PSG7: variants seen among roughly 807,000 people sequenced by gnomAD.
The protein encoded by PSG7 is pregnancy specific beta-1-glycoprotein 7, also known as pregnancy-specific beta-1-glycoprotein 7.
A neutral mutation model predicts 45.6 loss-of-function variants in PSG7; 57 were observed. The ratio of observed to expected loss-of-function variants is 1.25; its 90% CI spans 1.01 to 1.56. PSG7 has a LOEUF of 1.56. PSG7 is among the 40% of genes most tolerant of loss of function. PSG7 has a pLI of 0.00. For missense variants in PSG7, 796 were observed against 508.4 expected (o/e 1.57, Z -5.44); for synonymous variants, 298 against 194.4 (o/e 1.53, Z -4.43).
At position 42,931,906 on chromosome 19, in the gene PSG7, T is replaced by A. The variant is rs536315134; in HGVS notation, c.431-2186A>T. 5.7e-4 allele frequency among the ~76,000 whole-genome samples: 87 copies of A among 151,738 alleles called. No homozygotes were observed. In the South Asian group the frequency reaches 0.011, roughly 19 times the overall value. ...GTTCCACTTTTTTTCCCCCACTCTT[T>A]TTGAACTTTCCTGTTTCAGTTTTGG... is the stretch of plus-strand genomic sequence containing the variant. On this transcript the variant is annotated intron_variant, in intron 2 of 5. Transcript: ENST00000406070.
Position 42,925,775 on chromosome 19 carries a change from G to A in PSG7, c.1241C>T (p.Ser414Phe), listed in dbSNP as rs767367825. Residue 414 changes from serine (S) to phenylalanine (F), a missense_variant and splice_region_variant, in exon 5 of 6, where the codon TCT becomes TTT. Ser to Phe is a radical substitution (Grantham distance 155, BLOSUM62 -2). Coordinates refer to ENST00000406070, the MANE Select transcript of PSG7 (RefSeq NM_002783.3). Reference protein sequence around the residue: ...ESSKSVTVRVSDWTLP With the variant: ...ESSKSVTVRVFDWTLP ...CAAGGATGCTGGGATCCACTTACCAGAGACTCTGACTGTCACGGATTTGGA... is the reference window on the plus strand; with the variant it reads ...CAAGGATGCTGGGATCCACTTACCAAAGACTCTGACTGTCACGGATTTGGA... The A allele has an allele frequency of 1.6e-5, 26 of 1,611,898 alleles. No homozygotes were observed. The highest frequency in any genetic ancestry group is 2.2e-5 in the Non-Finnish European group (26 of 1,179,014).
intron 2 of PSG7, among the ~76,000 whole-genome samples, chr19:42,932,515 G>A (rs1303342935): frequency 2.6e-5 from 4 of 151,330 alleles, no homozygotes; most frequent in Admixed American, 1.3e-4. Flanking sequence ...ATGAGCCCAT[G>A]GGCTTTGGGA....
rs564741705 is a variant in PSG7 at position 42,924,447 on chromosome 19, A to G, written c.*361T>C. On this transcript the variant is annotated 3_prime_UTR_variant, in exon 6 of 6. Transcript: ENST00000406070. ...TGTTGTTACCCTCAGAAGCTCCTATACTACATGTGAAATTCTAATGACTGC... is the reference window on the plus strand; with the variant it reads ...TGTTGTTACCCTCAGAAGCTCCTATGCTACATGTGAAATTCTAATGACTGC... 1 of 531,278 alleles carries G rather than the reference A, an allele frequency of 1.9e-6. No individual in the cohort carries two copies. Among genetic ancestry groups the G allele is most frequent in the African/African-American group, 1.9e-5 (1 of 52,930 alleles). 32.9% of individuals were successfully genotyped at this position (531,278 alleles called of 1,614,324 possible). A position where few individuals can be genotyped will look rare whatever the true frequency, so the allele number is the denominator to read the frequency against.
chr19:42,936,641 T>A (rs1973157880), intron 1 of PSG7: 1 of 214,814 alleles, frequency 4.7e-6, no homozygotes, highest in South Asian at 8.0e-5. Context: ...CTTTCCTTTT[T>A]TTTCTTTTTT....
chr19:42,926,097 G>T lies in PSG7; in HGVS notation c.989-70C>A, dbSNP rs1241864991. On this transcript the variant is annotated intron_variant, in intron 4 of 5. Coordinates refer to ENST00000406070, the MANE Select transcript of PSG7 (RefSeq NM_002783.3). ...AGGGGATGCTCCTGGTCTCTTAAAG[G>T]GACAGAGTGACCCTCTGAGCCGAGA... The T allele has an allele frequency of 3.0e-5, 47 of 1,575,552 alleles. 1 individual carries two copies. The highest frequency in any genetic ancestry group is 3.9e-5 in the Non-Finnish European group (45 of 1,159,628).
intron 2 of PSG7, among the ~76,000 whole-genome samples, chr19:42,930,321 G>A (rs1374172500): frequency 2.6e-5 from 4 of 151,496 alleles, no homozygotes; most frequent in East Asian, 1.9e-4. Flanking sequence ...GTTTTCCCAG[G>A]TGTCTCATAG....
intron 2 of PSG7, among the ~76,000 whole-genome samples, chr19:42,934,805 C>T (rs1441707441): frequency 2.6e-5 from 4 of 151,648 alleles, no homozygotes; most frequent in Non-Finnish European, 4.4e-5. Flanking sequence ...CTGTCCTCTC[C>T]ACTCTGAGTG....
In PSG7 at chr19:42,925,119, G is replaced by A. The variant is rs1972496733; in HGVS notation, c.1244-295C>T. 8.9e-6 allele frequency: 4 copies of A among 451,970 alleles called. No individual in the cohort carries two copies. In the South Asian group the frequency reaches 1.3e-4, roughly 15 times the overall value. 28.0% of individuals were successfully genotyped at this position (451,970 alleles called of 1,614,324 possible). ...CAGATTAAACCTTTACAAAACTCTT[G>A]AGAATAGGAAGCCAAACCAAGGCTG... On this transcript the variant is annotated intron_variant, in intron 5 of 5. Transcript: ENST00000406070.
rs184496136 is a variant in PSG7, at chr19:42,932,461, C to T, written c.431-2741G>A. Among the ~76,000 whole-genome samples, 21 of 151,708 alleles carry T rather than the reference C, an allele frequency of 1.4e-4. 1 individual carries two copies. In the East Asian group the frequency reaches 2.1e-3, roughly 15 times the overall value. On this transcript the variant is annotated intron_variant, in intron 2 of 5. Transcript: ENST00000406070. ...CTAGGAAGTGACAAAAGAATGTGAG[C>T]TCCATAGCAGGTTGAGAATGGAGTC...
In PSG7 at chr19:42,929,697, A is replaced by C. The variant is rs1469129480; in HGVS notation, c.454T>G (p.Ser152Ala). Residue 152 changes from serine to alanine, a missense_variant, in exon 3 of 6, where the codon TCC becomes GCC. Physicochemically the swap from Ser to Ala is moderately conservative, Grantham distance 99. Coordinates refer to ENST00000406070, the MANE Select transcript of PSG7 (RefSeq NM_002783.3). ...LYLETPKPSISSSNFNPREAT... is the reference protein window; with the variant it reads ...LYLETPKPSIASSNFNPREAT... The stretch of plus-strand genomic sequence containing the variant: ...TCCCTGGGGTTGAAATTGCTGCTGG[A>C]GATGGAGGGTTTGGGAGTCTCCACT... The C allele has an allele frequency of 6.2e-7, 1 of 1,612,196 alleles. No individual in the cohort carries two copies. Among genetic ancestry groups the C allele is most frequent in the African/African-American group, 1.3e-5 (1 of 74,598 alleles).
Position 42,924,531 on chromosome 19 carries a change from C to A in PSG7, c.*277G>T, listed in dbSNP as rs1260695640. On this transcript the variant is annotated 3_prime_UTR_variant, in exon 6 of 6. Transcript: ENST00000406070. ...CAAGGACAGCTAAGAGGGGTGAGAGCCTCATCATGATGGGGAGTCTTATTC... is the reference window on the plus strand; with the variant it reads ...CAAGGACAGCTAAGAGGGGTGAGAGACTCATCATGATGGGGAGTCTTATTC... 6.4e-5 allele frequency: 38 copies of A among 591,840 alleles called. No homozygotes were observed. Among genetic ancestry groups the A allele is most frequent in the Non-Finnish European group, 1.1e-4 (36 of 334,556 alleles). The allele number at this position is 591,840 out of a possible 1,614,324, so 36.7% of individuals were successfully genotyped here.
rs1568453344 is a variant in PSG7 at position 42,924,287 on chromosome 19, T to A, written c.*521A>T. On this transcript the variant is annotated 3_prime_UTR_variant, in exon 6 of 6. Transcript: ENST00000406070. ...GCTTTCCTACTCTTTATAGAAACCA[T>A]CTTCTCTGCAAACACACAGGCAATA... The A allele has an allele frequency of 6.5e-6, 2 of 309,162 alleles. No homozygotes were observed. The highest frequency in any genetic ancestry group is 1.2e-5 in the Non-Finnish European group (2 of 170,036). 19.2% of individuals were successfully genotyped at this position (309,162 alleles called of 1,614,324 possible).
Position 42,926,718 on chromosome 19 carries a change from T to C in PSG7, c.710-2A>G. The C allele has an allele frequency of 6.2e-7, 1 of 1,610,268 alleles. No individual in the cohort carries two copies. Among genetic ancestry groups the C allele is most frequent in the Non-Finnish European group, 8.5e-7 (1 of 1,178,818 alleles). ...TGATGTAGGGCTTGGGCAGCTTCGC[T>C]GTGTGAATAACAGAGAGAAGATTGT... On this transcript the variant is annotated splice_acceptor_variant, in intron 3 of 5. Transcript: ENST00000406070. LOFTEE classifies it high-confidence loss of function.
Position 42,925,921 on chromosome 19 carries a change from A to T in PSG7, c.1095T>A (p.Ser365=). 1 of 1,612,286 alleles carries T rather than the reference A, an allele frequency of 6.2e-7. No individual in the cohort carries two copies. Among genetic ancestry groups the T allele is most frequent in the Non-Finnish European group, 8.5e-7 (1 of 1,179,208 alleles). Residue 365 remains serine (S), a synonymous_variant, in exon 5 of 6, where the codon TCT becomes TCA. Coordinates refer to ENST00000406070, the MANE Select transcript of PSG7 (RefSeq NM_002783.3). ...GCTGAAACTTCCCATTAATTGTCCA[A>T]GAATACTGTGCCGGTGGGTTAGAGT... ...FADSNPPAQY[S]WTINGKFQLS... is the part of the protein sequence containing the mutation.
chr19:42,925,323 T>C, intron 5 of PSG7: 2 of 357,292 alleles, frequency 5.6e-6, no homozygotes, highest in Non-Finnish European at 1.0e-5. Flanking sequence ...TCAATACTCA[T>C]GAATAGTTGC....
Position 42,929,545 on chromosome 19 carries a change from G to C in PSG7, c.606C>G (p.Leu202=), listed in dbSNP as rs200841884. The C allele has an allele frequency of 2.9e-5, 46 of 1,612,516 alleles. No homozygotes were observed. Among genetic ancestry groups the C allele is most frequent in the Non-Finnish European group, 3.6e-5 (43 of 1,179,266 alleles). Residue 202 remains leucine, a synonymous_variant, in exon 3 of 6, where the codon CTC becomes CTG. Transcript: ENST00000406070. ...SLQLSETNRT[L]YLFGVTNYTA... Reference sequence around the variant, plus strand: ...TATAGTTTGTGACACCAAATAGGTAGAGGGTCCTGTTGGTTTCAGACAGCT... The same window carrying C: ...TATAGTTTGTGACACCAAATAGGTACAGGGTCCTGTTGGTTTCAGACAGCT...
Position 42,933,295 on chromosome 19 carries a change from A to ATTT in PSG7, c.430+2108_430+2109insAAA, listed in dbSNP as rs1168854490. On this transcript the variant is annotated intron_variant, in intron 2 of 5. Transcript: ENST00000406070. ...TATATATATATATATATATATATAT[A>ATTT]TATATATATATATTTTTTTTTTTTT... 5.6e-3 allele frequency among the ~76,000 whole-genome samples: 66 copies of ATTT among 11,880 alleles called. 2 individuals are homozygous for ATTT. The highest frequency in any genetic ancestry group is 0.015 in the African/African-American group (64 of 4,156). The allele number at this position is 11,880 out of a possible 152,430, so 7.8% of individuals were successfully genotyped here. A position where few individuals can be genotyped will look rare whatever the true frequency, so the allele number is the denominator to read the frequency against.
rs571993669 is a variant in PSG7 at position 42,924,845 on chromosome 19, A to G, written c.1244-21T>C. The G allele has an allele frequency of 7.5e-5, 57 of 762,862 alleles. 1 individual carries two copies. In the East Asian group the frequency reaches 1.0e-3, roughly 14 times the overall value. 47.3% of individuals were successfully genotyped at this position (762,862 alleles called of 1,614,324 possible). The stretch of plus-strand genomic sequence containing the variant: ...CCAGTCTACAGTGGATAATAAAAAC[A>G]CAGAAACAATGAACAGAGCTGCAAT... On this transcript the variant is annotated intron_variant, in intron 5 of 5. Coordinates refer to ENST00000406070, the MANE Select transcript of PSG7 (RefSeq NM_002783.3).
At chr19:42,926,175 G>A in intron 4 of PSG7, 148 bp from the exon 5 acceptor site, 1 of 1,437,898 alleles carries the variant, frequency 7.0e-7, no homozygotes. Flanking sequence ...GCCGAAGCCT[G>A]AGGTATTCAC....
Sources: gnomAD v4.1 joint callset for allele counts (sites outside exome capture counted in the v4.1 genomes callset) on GRCh38, gnomAD v4.1.1 for gene constraint, MANE v1.5 for transcripts, NCBI Gene and HGNC (gene_info 2026-07-23, HGNC 2026-07-21) for gene names.